The following CCDC88C variants were observed in gnomAD, a reference collection of about 807,000 sequenced individuals.
CCDC88C encodes coiled-coil and HOOK domain protein 88C.
Under a neutral mutation model 198.8 loss-of-function variants are expected in CCDC88C, and 131 were observed. The ratio of observed to expected loss-of-function variants is 0.66; its 90% confidence interval spans 0.57 to 0.76. CCDC88C has a LOEUF of 0.76. Among genes scored for constraint, CCDC88C ranks in the 30% least tolerant of loss-of-function variants. The pLI, the probability that CCDC88C is intolerant of heterozygous loss-of-function variation, is 0.00. For missense variants in CCDC88C, 2,553 were observed against 2,631.6 expected (o/e 0.97, Z 0.65); for synonymous variants, 1,166 against 1,114.7 (o/e 1.05, Z -0.92).
chr14:91,417,727 C>G lies in CCDC88C; in HGVS notation c.-37G>C. 6.8e-7 allele frequency: 1 copy of G among 1,467,068 alleles called. No individual in the cohort carries two copies. The highest frequency in any genetic ancestry group is 9.0e-7 in the Non-Finnish European group (1 of 1,105,742). 90.9% of individuals were successfully genotyped at this position (1,467,068 alleles called of 1,614,324 possible). A position where few individuals can be genotyped will look rare whatever the true frequency, so the allele number is the denominator to read the frequency against. ...GCCCGCCGGCTCCGCGCCCCCCGCC[C>G]CGCGTCCCCGTTCCCCCGCGCCGCG... On this transcript the variant is annotated 5_prime_UTR_variant, in exon 1 of 30. Coordinates refer to ENST00000389857, the MANE Select transcript of CCDC88C (RefSeq NM_001080414.4).
At chr14:91,417,152 T>A (rs955094931) in intron 1 of CCDC88C, 24 of 703,036 alleles carry the variant, frequency 3.4e-5, no homozygotes, top group Middle Eastern at 2.3e-4. Context: ...TGTAAATCAG[T>A]GCGCCCACCC....
intron 3 of CCDC88C, among the ~76,000 whole-genome samples, chr14:91,362,445 T>TC (rs1894353991): frequency 6.6e-6 from 1 of 152,004 alleles, no homozygotes; most frequent in African/African-American, 2.4e-5. Context: ...GTTTTGTTTT[T>TC]TGAAATAATC....
intron 10 of CCDC88C, among the ~76,000 whole-genome samples, chr14:91,327,755 C>T (rs964280689): frequency 1.1e-4 from 16 of 152,198 alleles, no homozygotes; most frequent in Admixed American, 5.9e-4. Flanking sequence ...TGGCTACTGC[C>T]CCCACTCTTT....
At chr14:91,308,324 G>A (rs190209728) in intron 17 of CCDC88C, 27 bp downstream of exon 17, 1 of 1,612,262 alleles carries the variant, frequency 6.2e-7, no homozygotes, top group Admixed American at 1.7e-5. Context: ...GGGCAGCTGG[G>A]CCCCACAGTG....
chr14:91,315,754 T>A lies in CCDC88C; in HGVS notation c.1561A>T (p.Lys521Ter), dbSNP rs1326888730. 6.2e-7 allele frequency: 1 copy of A among 1,613,460 alleles called. No homozygotes were observed. The highest frequency in any genetic ancestry group is 1.3e-5 in the African/African-American group (1 of 74,890). ...EKLQTQLERE[K>*]QSNQDLETLS... ...GTCTCCAGATCTTGGTTGCTCTGCT[T>A]TTCTCTCTCCAGCTGGGTTTGTAAC... Residue 521 changes from lysine (K) to a stop codon, truncating the protein, a stop_gained, in exon 14 of 30, where the codon AAG (lysine) becomes TAG (stop). Coordinates refer to ENST00000389857, the MANE Select transcript of CCDC88C (RefSeq NM_001080414.4). LOFTEE classifies it high-confidence loss of function.
chr14:91,417,549 G>T, intron 1 of CCDC88C, 82 bp downstream of exon 1: 1 of 1,355,624 alleles, frequency 7.4e-7, no homozygotes, highest in Admixed American at 2.1e-5. Context: ...GGCCCCGGCC[G>T]TGTCGGGTCT....
intron 3 of CCDC88C, among the ~76,000 whole-genome samples, chr14:91,369,061 C>T (rs1335143260): frequency 6.6e-6 from 1 of 152,224 alleles, no homozygotes; most frequent in Non-Finnish European, 1.5e-5. Context: ...TGTCGCTGAT[C>T]GTTTGCCAGC....
rs1567042956 is a variant in CCDC88C at position 91,272,965 on chromosome 14, G to GCAGCAC, written c.5741_5746dup (p.Gly1914_Ala1915dup). 33 of 1,557,288 alleles carry GCAGCAC rather than the reference G, an allele frequency of 2.1e-5. No homozygotes were observed. In the South Asian group the frequency reaches 3.3e-4, roughly 15 times the overall value. The stretch of plus-strand genomic sequence containing the variant: ...GGAGTTGCTGCCACTGCCAGCAGCA[G>GCAGCAC]CAGCACCAGCACCTGCAGTGGCAAT... On this transcript the variant is annotated inframe_insertion, in exon 30 of 30. Coordinates refer to ENST00000389857, the MANE Select transcript of CCDC88C (RefSeq NM_001080414.4).
intron 26 of CCDC88C, among the ~76,000 whole-genome samples, 167 bp from the exon 27 acceptor site, chr14:91,281,692 G>A (rs1023766817): frequency 1.1e-4 from 16 of 152,002 alleles, no homozygotes; most frequent in African/African-American, 3.6e-4. Flanking sequence ...CCCCTCCACC[G>A]TTTCTCCTGC....
rs1886642407 is a variant in CCDC88C, at chr14:91,408,740, G to A, written c.189C>T (p.Ile63=). ...QIDPRPTNQR[I]NKHVNNDVNL... is the part of the protein sequence containing the mutation. ...TCACATCATTGTTGACGTGCTTATT[G>A]ATGCGTTGATTTGTGGGCCTGGGAT... Residue 63 remains isoleucine, a synonymous_variant, in exon 3 of 30, where the codon ATC becomes ATT. Transcript: ENST00000389857. 1.9e-6 allele frequency: 3 copies of A among 1,613,614 alleles called. No homozygotes were observed. The African/African-American group carries it at 4.0e-5, about 22-fold the overall frequency.
At chr14:91,296,879 GA>G (rs757812664) in intron 22 of CCDC88C, among the ~76,000 whole-genome samples, 4 of 152,124 alleles carry the variant, frequency 2.6e-5, no homozygotes, top group Non-Finnish European at 4.4e-5. Context: ...TACTAGAAGG[GA>G]CGGCTCTGGA....
chr14:91,415,026 C>CA (rs1395024203), intron 2 of CCDC88C, among the ~76,000 whole-genome samples: 1 of 152,176 alleles, frequency 6.6e-6, no homozygotes, highest in East Asian at 1.9e-4. Flanking sequence ...GAAACAGTCC[C>CA]AGTGCTTTTG....
chr14:91,392,020 G>C (rs1362667559), intron 3 of CCDC88C, among the ~76,000 whole-genome samples: 1 of 152,002 alleles, frequency 6.6e-6, no homozygotes, highest in Admixed American at 6.6e-5. Context: ...CATACACTTG[G>C]ATCTCAAAGT....
At chr14:91,277,616 C>T (rs1398648856) in intron 29 of CCDC88C, among the ~76,000 whole-genome samples, 1 of 152,202 alleles carries the variant, frequency 6.6e-6, no homozygotes, top group Non-Finnish European at 1.5e-5. Context: ...ACTCAGAGCT[C>T]TGCCGTGAAA....
At chr14:91,377,716 A>C (rs1328742338) in intron 3 of CCDC88C, among the ~76,000 whole-genome samples, 1 of 152,240 alleles carries the variant, frequency 6.6e-6, no homozygotes, top group Non-Finnish European at 1.5e-5. Flanking sequence ...TGTGACTTAC[A>C]CAAGATTGAA....
chr14:91,290,873 G>A (rs985139088), intron 24 of CCDC88C, 122 bp downstream of exon 24: 1 of 638,880 alleles, frequency 1.6e-6, no homozygotes, highest in Non-Finnish European at 2.8e-6. Context: ...TCTCTGATGT[G>A]GGAGGCATCT....
At position 91,363,280 on chromosome 14, in the gene CCDC88C, C is replaced by CTTTTTT. The variant is rs1006691437; in HGVS notation, c.271-3575_271-3570dup. 1.6e-3 allele frequency among the ~76,000 whole-genome samples: 236 copies of CTTTTTT among 145,936 alleles called. 1 individual carries two copies. The highest frequency in any genetic ancestry group is 5.4e-3 in the African/African-American group (214 of 39,374). On this transcript the variant is annotated intron_variant, in intron 3 of 29. Coordinates refer to ENST00000389857, the MANE Select transcript of CCDC88C (RefSeq NM_001080414.4). ...ATTGACATAAAAATGTATTATTTTA[C>CTTTTTT]TTTTTTTTTTTGGAGAGAGGGGGTT...
chr14:91,359,330 G>C (rs1301953622), intron 4 of CCDC88C, among the ~76,000 whole-genome samples: 2 of 151,920 alleles, frequency 1.3e-5, no homozygotes, highest in Non-Finnish European at 2.9e-5. Flanking sequence ...GTAGAGATGG[G>C]GTTTCACCTT....
Position 91,272,352 on chromosome 14 carries a change from T to G in CCDC88C, c.*273A>C, listed in dbSNP as rs12878426. 393,811 of 467,668 alleles carry G rather than the reference T, an allele frequency of 0.84. 167,430 individuals carry two copies. Among genetic ancestry groups the G allele is most frequent in the Non-Finnish European group, 0.88 (230,274 of 262,036 alleles). The allele number at this position is 467,668 out of a possible 1,614,324, so 29.0% of individuals were successfully genotyped here. ...GGGAAGTCAGTTTGTCATTGCATCC[T>G]AATTGGTCCCCATGCTGACGTGGAT... On this transcript the variant is annotated 3_prime_UTR_variant, in exon 30 of 30. Coordinates refer to ENST00000389857, the MANE Select transcript of CCDC88C (RefSeq NM_001080414.4).
Sources: allele counts gnomAD v4.1 joint callset (sites outside exome capture counted in the v4.1 genomes callset), GRCh38; gene constraint gnomAD v4.1.1; transcripts MANE v1.5; gene names NCBI Gene and HGNC (gene_info 2026-07-23, HGNC 2026-07-21).